PIEZO1: variants seen among roughly 807,000 people sequenced by gnomAD.
PIEZO1 encodes piezo-type mechanosensitive ion channel component 1.
PIEZO1 carries 296 observed loss-of-function variants against 297.2 expected under a neutral mutation model. That is an observed-to-expected ratio of 1.00 (90% CI 0.91 to 1.10). The LOEUF is 1.10. PIEZO1 is among the 50% of genes least tolerant of loss of function. PIEZO1 has a pLI of 0.00. For synonymous variants in PIEZO1, 2,427 were observed against 1,507.5 expected, an observed-to-expected ratio of 1.61 and a Z score of -14.13; for missense variants, 5,018 against 3,455.5, an observed-to-expected ratio of 1.45 and a Z score of -11.34.
At chr16:88,746,083 T>C (rs1906039621) in intron 2 of PIEZO1, among the ~76,000 whole-genome samples, 1 of 151,520 alleles carries the variant, frequency 6.6e-6, no homozygotes, top group African/African-American at 2.4e-5. Flanking sequence ...ATCCATGGGG[T>C]GTGCATGGGA....
intron 30 of PIEZO1, 50 bp downstream of exon 30, chr16:88,724,959 G>T (rs1460776188): frequency 3.4e-6 from 4 of 1,164,886 alleles, no homozygotes; most frequent in Non-Finnish European, 4.7e-6. Flanking sequence ...GGACAGATGG[G>T]GGCACAGAGG....
intron 29 of PIEZO1, 36 bp downstream of exon 29, chr16:88,725,380 A>C: frequency 8.1e-7 from 1 of 1,240,212 alleles, no homozygotes; most frequent in Non-Finnish European, 1.1e-6. Context: ...CATGCTGGAC[A>C]CGGGGCCCTG....
chr16:88,783,354 T>C (rs375502621), intron 1 of PIEZO1, among the ~76,000 whole-genome samples: 6 of 152,062 alleles, frequency 3.9e-5, no homozygotes, highest in Non-Finnish European at 5.9e-5. Context: ...AAGAAGAAGA[T>C]TTTGTGACAT....
At chr16:88,724,040 G>A (rs1417134482) in intron 30 of PIEZO1, 69 bp from the exon 31 acceptor site, 12 of 975,360 alleles carry the variant, frequency 1.2e-5, no homozygotes, top group Non-Finnish European at 1.7e-5. Flanking sequence ...CCCTCCGCCT[G>A]CATGGGCCAA....
intron 22 of PIEZO1, 23 bp from the exon 23 acceptor site, chr16:88,727,684 A>C: frequency 1.5e-6 from 2 of 1,292,172 alleles, no homozygotes; most frequent in Non-Finnish European, 2.1e-6. Context: ...GTGTCATGTC[A>C]GGAAGGGCCG....
At chr16:88,721,098 A>T in intron 39 of PIEZO1, 68 bp downstream of exon 39, 1 of 1,394,930 alleles carries the variant, frequency 7.2e-7, no homozygotes, top group Non-Finnish European at 9.5e-7. Flanking sequence ...TCTGAGAAAG[A>T]CCCTCCCTGC....
At chr16:88,761,806 G>A (rs1353238156) in intron 1 of PIEZO1, among the ~76,000 whole-genome samples, 1 of 145,930 alleles carries the variant, frequency 6.9e-6, no homozygotes, top group African/African-American at 2.5e-5. Context: ...GACCAGCAGC[G>A]CTGCCAGGGT....
At chr16:88,725,936 C>T (rs1293544165) in intron 27 of PIEZO1, 16 of 569,156 alleles carry the variant, frequency 2.8e-5, no homozygotes, top group Non-Finnish European at 5.0e-5. Flanking sequence ...GGGAAGAAGG[C>T]AAAGCTGGCC....
intron 2 of PIEZO1, among the ~76,000 whole-genome samples, chr16:88,746,539 A>G (rs555331482): frequency 5.9e-5 from 9 of 152,106 alleles, no homozygotes; most frequent in African/African-American, 2.2e-4. Flanking sequence ...TGACGCCTAC[A>G]AGGGGACCAA....
Position 88,719,834 on chromosome 16 carries a change from C to A in PIEZO1, c.6291G>T (p.Lys2097Asn). The A allele has an allele frequency of 6.4e-7, 1 of 1,550,592 alleles. No individual in the cohort carries two copies. Among genetic ancestry groups the A allele is most frequent in the Non-Finnish European group, 8.7e-7 (1 of 1,146,952 alleles). Residue 2097 changes from lysine (K) to asparagine (N), a missense_variant, in exon 43 of 51, where the codon AAG becomes AAT. Transcript: ENST00000301015. ...AGAGGAAGAGGTTGAGATGATTGTA[C>A]TTCTTGGTGAGGAAGTTGCCGAGGA... ...TRILGNFLTK[K>N]YNHLNLFLFQ...
chr16:88,723,204 G>C (rs1477206343), intron 32 of PIEZO1, 22 bp downstream of exon 32: 1 of 1,548,824 alleles, frequency 6.5e-7, no homozygotes, highest in Non-Finnish European at 8.7e-7. Flanking sequence ...TCCCCTCAGA[G>C]TCCCCACGCC....
chr16:88,748,476 G>GT (rs1429291118), intron 2 of PIEZO1, among the ~76,000 whole-genome samples: 2 of 115,158 alleles, frequency 1.7e-5, no homozygotes, highest in Non-Finnish European at 3.4e-5. Context: ...GGTTCCCAAG[G>GT]GGGGTCTCAG....
At chr16:88,784,422 T>C (rs1008402949) in intron 1 of PIEZO1, among the ~76,000 whole-genome samples, 1 of 151,674 alleles carries the variant, frequency 6.6e-6, no homozygotes, top group Admixed American at 6.6e-5. Flanking sequence ...AAGCTCCAAA[T>C]TAAACAGCTC....
Position 88,742,364 on chromosome 16 carries a change from G to A in PIEZO1, c.219C>T (p.Ala73=). ...LLGLSLLFLV[A]HLALQICLHI... ...GCAGGCAGATCTGGAGGGCGAGATG[G>A]GCCACCAGGAAGAGCAGGCTGAGGC... The change falls in exon 3 of 51, where the codon GCC becomes GCT. Residue 73 remains alanine, a synonymous_variant. Coordinates refer to ENST00000301015, the MANE Select transcript of PIEZO1 (RefSeq NM_001142864.4). 1 of 1,535,478 alleles carries A rather than the reference G, an allele frequency of 6.5e-7. No homozygotes were observed. The highest frequency in any genetic ancestry group is 2.4e-5 in the East Asian group (1 of 40,908).
Position 88,737,798 on chromosome 16 carries a change from T to G in PIEZO1, c.1037A>C (p.Lys346Thr), listed in dbSNP as rs1905341151. ...RPSGQRKEAA[K>T]GYEARELELA... Reference sequence around the variant, plus strand: ...CTCCAGCTCCCGAGCCTCATACCCCTTTGCCGCCTCCTTCCTCTGCAGAGA... The same window carrying G: ...CTCCAGCTCCCGAGCCTCATACCCCGTTGCCGCCTCCTTCCTCTGCAGAGA... The change falls in exon 9 of 51, where the codon AAG becomes ACG. Residue 346 changes from lysine (K) to threonine (T), a missense_variant. Physicochemically the swap from Lys to Thr is moderately conservative, Grantham distance 78. Coordinates refer to ENST00000301015, the MANE Select transcript of PIEZO1 (RefSeq NM_001142864.4). The G allele has an allele frequency of 1.3e-6, 2 of 1,535,638 alleles. No homozygotes were observed. Among genetic ancestry groups the G allele is most frequent in the Non-Finnish European group, 8.7e-7 (1 of 1,146,690 alleles).
chr16:88,719,747 G>T (rs1488929839), intron 43 of PIEZO1, 26 bp from the exon 44 acceptor site: 1 of 1,550,352 alleles, frequency 6.5e-7, no homozygotes, highest in South Asian at 1.2e-5. Flanking sequence ...GTTCCCGTCA[G>T]GTGGGCTCCC....
In PIEZO1 at chr16:88,720,630, G is replaced by A. The variant is rs1002114893; in HGVS notation, c.5787C>T (p.Gly1929=). ...CCATCACTCACAGGGACAGGCAGAAGCCCTGCAGCCGCCGCCCGGCCGCCC... is the reference window on the plus strand; with the variant it reads ...CCATCACTCACAGGGACAGGCAGAAACCCTGCAGCCGCCGCCCGGCCGCCC... ...RVRAAGRRLQ[G]FCLSLAQGTY... Residue 1929 remains glycine, a synonymous_variant, in exon 40 of 51, where the codon GGC becomes GGT. Coordinates refer to ENST00000301015, the MANE Select transcript of PIEZO1 (RefSeq NM_001142864.4). 2.6e-6 allele frequency: 4 copies of A among 1,544,000 alleles called. No homozygotes were observed. The African/African-American group carries it at 5.5e-5, about 21-fold the overall frequency.
Position 88,736,672 on chromosome 16 carries a change from G to A in PIEZO1, c.1263C>T (p.Asp421=), listed in dbSNP as rs1386907283. Reference sequence around the variant, plus strand: ...CAATGAGCGCGCACACATAGCTCTGGTCCATGATGAGGTGGCCCAGGCTGT... The same window carrying A: ...CAATGAGCGCGCACACATAGCTCTGATCCATGATGAGGTGGCCCAGGCTGT... ...PLHSLGHLIM[D]QSYVCALIAM... The change falls in exon 11 of 51, where the codon GAC becomes GAT. Residue 421 remains aspartate, a synonymous_variant. Coordinates refer to ENST00000301015, the MANE Select transcript of PIEZO1 (RefSeq NM_001142864.4). The A allele has an allele frequency of 7.2e-6, 11 of 1,533,208 alleles. No homozygotes were observed. Among genetic ancestry groups the A allele is most frequent in the South Asian group, 4.8e-5 (4 of 83,940 alleles). 95.0% of individuals were successfully genotyped at this position (1,533,208 alleles called of 1,614,324 possible).
intron 23 of PIEZO1, 23 bp downstream of exon 23, chr16:88,727,534 C>T (rs1367972450): frequency 5.3e-5 from 39 of 741,804 alleles, no homozygotes; most frequent in Middle Eastern, 2.4e-4. Flanking sequence ...TCTGCAGAGG[C>T]GGGGGTGGTG....
Sources: gnomAD v4.1 joint callset for allele counts (sites outside exome capture counted in the v4.1 genomes callset) on GRCh38, gnomAD v4.1.1 for gene constraint, MANE v1.5 for transcripts, NCBI Gene and HGNC (gene_info 2026-07-23, HGNC 2026-07-21) for gene names.